The following BRCA2 variants were observed in gnomAD, a reference collection of about 807,000 sequenced individuals.
BRCA2 encodes breast cancer type 2 susceptibility protein.
BRCA2 carries 203 observed loss-of-function variants against 276.7 expected under a neutral mutation model. That is an observed-to-expected ratio of 0.73 (90% CI 0.65 to 0.82). The LOEUF is 0.82. Among genes scored for constraint, BRCA2 ranks in the 40% least tolerant of loss-of-function variants. The pLI is 0.00. For synonymous variants in BRCA2, 1,289 were observed against 1,338.4 expected (o/e 0.96, Z 0.81); for missense variants, 3,920 against 3,915.0 (o/e 1.00, Z -0.03).
At position 32,359,497 on chromosome 13, in the gene BRCA2, A is replaced by G. The variant is rs192381346; in HGVS notation, c.7805+1568A>G. On this transcript the variant is annotated intron_variant, in intron 16 of 26. Transcript: ENST00000380152. ...ACATAATTTAAAGCTTTTTGTTATC[A>G]GAGATATATTACATTATGCCAGTGG... 2.8e-3 allele frequency among the ~76,000 whole-genome samples: 432 copies of G among 152,258 alleles called. 2 individuals carry two copies. Among genetic ancestry groups the G allele is most frequent in the South Asian group, 0.021 (103 of 4,822 alleles).
At chr13:32,333,479 T>C in intron 10 of BRCA2, 92 bp downstream of exon 10, 1 of 1,344,970 alleles carries the variant, frequency 7.4e-7, no homozygotes, top group Non-Finnish European at 1.0e-6. Flanking sequence ...AAAATCTTCA[T>C]ATCTTATATT....
Position 32,398,340 on chromosome 13 carries a change from G to A in BRCA2, c.9827G>A (p.Arg3276Lys), listed in dbSNP as rs1555289967. The stretch of plus-strand genomic sequence containing the variant: ...AGAAGAGCCTTGGATTTCTTGAGTA[G>A]ACTGCCTTTACCTCCACCTGTTAGT... The part of the protein sequence containing the change: ...KKRRALDFLS[R>K]LPLPPPVSPI... The change falls in exon 27 of 27, where the codon AGA becomes AAA. Residue 3276 changes from arginine to lysine, a missense_variant. Coordinates refer to ENST00000380152, the MANE Select transcript of BRCA2 (RefSeq NM_000059.4). The A allele has an allele frequency of 6.2e-7, 1 of 1,614,146 alleles. No individual in the cohort carries two copies. The highest frequency in any genetic ancestry group is 2.2e-5 in the East Asian group (1 of 44,882).
In BRCA2 at chr13:32,332,933, G is replaced by A. The variant is rs1555281913; in HGVS notation, c.1455G>A (p.Lys485=). 3.7e-6 allele frequency: 6 copies of A among 1,608,290 alleles called. No individual in the cohort carries two copies. Among genetic ancestry groups the A allele is most frequent in the Non-Finnish European group, 5.1e-6 (6 of 1,178,690 alleles). The stretch of plus-strand genomic sequence containing the variant: ...ATACAGACTGCATTCTTGCAGTAAA[G>A]CAGGCAATATCTGGAACTTCTCCAG... ...ESHTDCILAV[K]QAISGTSPVA... Residue 485 remains lysine, a synonymous_variant, in exon 10 of 27, where the codon AAG becomes AAA. Transcript: ENST00000380152.
At position 32,336,951 on chromosome 13, in the gene BRCA2, G is replaced by C. The variant is rs864622476; in HGVS notation, c.2596G>C (p.Glu866Gln). ...NLRVIQKNQEETTSISKITVN... is the reference protein window; with the variant it reads ...NLRVIQKNQEQTTSISKITVN... ...AAGAGTAATCCAAAAAAATCAAGAA[G>C]AAACTACTTCAATTTCAAAAATAAC... is the stretch of plus-strand genomic sequence containing the variant. The change falls in exon 11 of 27, where the codon GAA (glutamate) becomes CAA (glutamine). Residue 866 changes from glutamate to glutamine, a missense_variant. Physicochemically the swap from Glu to Gln is conservative, Grantham distance 29. Around this residue, in one of 2 missense-constraint regions of BRCA2, gnomAD observed 3,263 missense variants for 3,156.9 expected, o/e 1.03. Transcript: ENST00000380152. 2.5e-6 allele frequency: 4 copies of C among 1,586,548 alleles called. No individual in the cohort carries two copies. Among genetic ancestry groups the C allele is most frequent in the Non-Finnish European group, 3.4e-6 (4 of 1,173,104 alleles).
rs81002865 is a variant in BRCA2, at chr13:32,344,539, A to T, written c.6842-19A>T. On this transcript the variant is annotated intron_variant, in intron 11 of 26. Coordinates refer to ENST00000380152, the MANE Select transcript of BRCA2 (RefSeq NM_000059.4). Reference sequence around the variant, plus strand: ...GATATTATTTGCCTTAAAAACATATATGAAATATTTCTTTTTAGGAGAACC... The same window carrying T: ...GATATTATTTGCCTTAAAAACATATTTGAAATATTTCTTTTTAGGAGAACC... 6.9e-7 allele frequency: 1 copy of T among 1,446,674 alleles called. No individual in the cohort carries two copies. The highest frequency in any genetic ancestry group is 1.7e-5 in the Admixed American group (1 of 57,538). The allele number at this position is 1,446,674 out of a possible 1,614,324, so 89.6% of individuals were successfully genotyped here.
intron 25 of BRCA2, among the ~76,000 whole-genome samples, chr13:32,395,643 A>G (rs2073030776): frequency 6.6e-6 from 1 of 152,246 alleles, no homozygotes; most frequent in Non-Finnish European, 1.5e-5. Context: ...CTGCTATGCA[A>G]TGCTGCTTCC....
intron 20 of BRCA2, among the ~76,000 whole-genome samples, chr13:32,373,740 C>T (rs1397129881): frequency 2.0e-5 from 3 of 152,184 alleles, no homozygotes; most frequent in Admixed American, 2.0e-4. Flanking sequence ...CTGCACAGTG[C>T]AGGCTGTCAG....
rs80359788 is a variant in BRCA2, at chr13:32,338,939, C to T, written c.4584C>T (p.Ser1528=). Residue 1528 remains serine, a synonymous_variant, in exon 11 of 27, where the codon AGC becomes AGT. Transcript: ENST00000380152. The stretch of plus-strand genomic sequence containing the variant: ...CTCTATTGGGTTTTCATACAGCTAG[C>T]GGGAAAAAAGTTAAAATTGCAAAGG... The part of the protein sequence containing the change: ...EPTLLGFHTA[S]GKKVKIAKES... The T allele has an allele frequency of 1.3e-4, 212 of 1,613,660 alleles. No individual in the cohort carries two copies. Among genetic ancestry groups the T allele is most frequent in the African/African-American group, 9.3e-4 (70 of 74,938 alleles).
In BRCA2 at chr13:32,370,938, T is replaced by C. The variant is rs2137599577; in HGVS notation, c.8488-18T>C. ...TTATATATGTGACTTTTTTGGTGTG[T>C]GTAACACATTATTACAGTGGATGGA... On this transcript the variant is annotated intron_variant, in intron 19 of 26. Coordinates refer to ENST00000380152, the MANE Select transcript of BRCA2 (RefSeq NM_000059.4). 6.2e-7 allele frequency: 1 copy of C among 1,613,952 alleles called. No individual in the cohort carries two copies. The highest frequency in any genetic ancestry group is 1.1e-5 in the South Asian group (1 of 91,070).
intron 18 of BRCA2, among the ~76,000 whole-genome samples, chr13:32,364,200 A>T (rs2072765755): frequency 6.6e-6 from 1 of 152,172 alleles, no homozygotes; most frequent in East Asian, 1.9e-4. Flanking sequence ...GTTGCTTAGA[A>T]CATCAAGCTT....
intron 18 of BRCA2, among the ~76,000 whole-genome samples, chr13:32,367,337 G>A (rs1442614098): frequency 6.6e-6 from 1 of 152,036 alleles, no homozygotes; most frequent in African/African-American, 2.4e-5. Flanking sequence ...TTGGGAGGCT[G>A]AGGCAGGGAG....
intron 24 of BRCA2, among the ~76,000 whole-genome samples, chr13:32,389,315 G>A (rs1253065100): frequency 6.6e-6 from 1 of 152,112 alleles, no homozygotes; most frequent in Non-Finnish European, 1.5e-5. Context: ...TTTATAAACT[G>A]CATGAGGAAA....
In BRCA2 at chr13:32,326,143, T is replaced by C. The variant is rs1197305103; in HGVS notation, c.468T>C (p.Asp156=). ...LQCTHVTPQR[D]KSVVCGSLFH... Reference sequence around the variant, plus strand: ...GTACACATGTAACACCACAAAGAGATAAGTCAGGTATGATTAAAAACAATG... The same window carrying C: ...GTACACATGTAACACCACAAAGAGACAAGTCAGGTATGATTAAAAACAATG... The change falls in exon 5 of 27, where the codon GAT becomes GAC. Residue 156 remains aspartate (D), a synonymous_variant. Coordinates refer to ENST00000380152, the MANE Select transcript of BRCA2 (RefSeq NM_000059.4). 1 of 1,609,132 alleles carries C rather than the reference T, an allele frequency of 6.2e-7. No individual in the cohort carries two copies. Among genetic ancestry groups the C allele is most frequent in the South Asian group, 1.1e-5 (1 of 90,888 alleles).
chr13:32,332,132 A>C, intron 9 of BRCA2, 140 bp from the exon 10 acceptor site: 1 of 805,948 alleles, frequency 1.2e-6, no homozygotes. Flanking sequence ...AATGCCAAGT[A>C]CTCAGAATAA....
intron 2 of BRCA2, 152 bp from the exon 3 acceptor site, chr13:32,318,925 G>A (rs2072282783): frequency 9.6e-7 from 1 of 1,042,310 alleles, no homozygotes; most frequent in Admixed American, 2.8e-5. Flanking sequence ...GCAAGAGAAT[G>A]GATTAATGAT....
At chr13:32,321,663 G>C (rs1274556726) in intron 3 of BRCA2, among the ~76,000 whole-genome samples, 2 of 152,076 alleles carry the variant, frequency 1.3e-5, no homozygotes, top group African/African-American at 2.4e-5. Flanking sequence ...TTGCTTTTAC[G>C]TTTACTTTAG....
intron 13 of BRCA2, among the ~76,000 whole-genome samples, chr13:32,354,047 G>A (rs1391646974): frequency 2.0e-5 from 3 of 152,188 alleles, no homozygotes; most frequent in African/African-American, 7.2e-5. Context: ...CAGTTTTGGA[G>A]ACTTTTTTTG....
In BRCA2 at chr13:32,338,923, G is replaced by A. The variant is rs879255451; in HGVS notation, c.4568G>A (p.Gly1523Asp). 2 of 1,613,890 alleles carry A rather than the reference G, an allele frequency of 1.2e-6. No homozygotes were observed. The highest frequency in any genetic ancestry group is 8.5e-7 in the Non-Finnish European group (1 of 1,179,906). ...DEKIKEPTLL[G>D]FHTASGKKVK... ...AAGATCAAAGAACCTACTCTATTGG[G>A]TTTTCATACAGCTAGCGGGAAAAAA... Residue 1523 changes from glycine (G) to aspartate (D), a missense_variant, in exon 11 of 27, where the codon GGT (glycine) becomes GAT (aspartate). Coordinates refer to ENST00000380152, the MANE Select transcript of BRCA2 (RefSeq NM_000059.4).
intron 2 of BRCA2, among the ~76,000 whole-genome samples, chr13:32,318,565 C>T (rs1029411235): frequency 2.0e-5 from 3 of 152,180 alleles, no homozygotes; most frequent in East Asian, 1.9e-4. Context: ...TGGCAGCCTC[C>T]GGAGTAGCTG....
Sources: allele counts gnomAD v4.1 joint callset (sites outside exome capture counted in the v4.1 genomes callset), GRCh38; gene constraint gnomAD v4.1.1; regional missense constraint gnomAD v4.1.1; transcripts MANE v1.5; gene names NCBI Gene and HGNC (gene_info 2026-07-23, HGNC 2026-07-21).